NELL1: variants seen among roughly 807,000 people sequenced by gnomAD.
NELL1 encodes the protein neural EGFL like 1.
In NELL1, 76 loss-of-function variants were observed where a neutral mutation model predicts 107.4. That is an observed-to-expected ratio of 0.71 (90% CI 0.59 to 0.86). NELL1 has a LOEUF of 0.86. NELL1 is among the 40% of genes least tolerant of loss of function. The pLI, the probability that NELL1 is intolerant of heterozygous loss-of-function variation, is 0.00. For synonymous variants in NELL1, 353 were observed against 341.2 expected, an observed-to-expected ratio of 1.03 and a Z score of -0.38; for missense variants, 1,024 against 1,005.5, an observed-to-expected ratio of 1.02 and a Z score of -0.25.
chr11:21,507,595 T>C (rs146440502), intron 15 of NELL1, among the ~76,000 whole-genome samples: 1 of 152,164 alleles, frequency 6.6e-6, no homozygotes, highest in African/African-American at 2.4e-5. Flanking sequence ...AAATATTTTG[T>C]GAGCATAGAA....
intron 4 of NELL1, among the ~76,000 whole-genome samples, chr11:20,872,830 A>G (rs939726262): frequency 6.6e-6 from 1 of 152,096 alleles, no homozygotes; most frequent in Non-Finnish European, 1.5e-5. Context: ...GTCAATCATC[A>G]GGCCTTTAGA....
intron 2 of NELL1, among the ~76,000 whole-genome samples, chr11:20,699,617 C>T (rs1306529682): frequency 6.6e-6 from 1 of 152,318 alleles, no homozygotes; most frequent in Non-Finnish European, 1.5e-5. Flanking sequence ...CTTGGCCTCC[C>T]AAAGTGCTGG....
rs114032533 is a variant in NELL1, at chr11:20,743,308, G to A, written c.185-40372G>A. 9.6e-3 allele frequency among the ~76,000 whole-genome samples: 1,450 copies of A among 151,736 alleles called. 16 individuals are homozygous for A. The highest frequency in any genetic ancestry group is 0.025 in the African/African-American group (1,036 of 41,350). On this transcript the variant is annotated intron_variant, in intron 2 of 19. Coordinates refer to ENST00000357134, the MANE Select transcript of NELL1 (RefSeq NM_006157.5). The stretch of plus-strand genomic sequence containing the variant: ...GTGGTGGCTGCAGTGAGCCAAGATC[G>A]TGCCACTGTACTCTAGCCTGTGTGA...
At chr11:21,140,061 T>C (rs1340584007) in intron 13 of NELL1, among the ~76,000 whole-genome samples, 1 of 152,130 alleles carries the variant, frequency 6.6e-6, no homozygotes, top group Non-Finnish European at 1.5e-5. Flanking sequence ...GAAAGCTCCT[T>C]TTTCAGGAGC....
intron 10 of NELL1, among the ~76,000 whole-genome samples, chr11:20,940,268 T>C (rs200955331): frequency 1.4e-4 from 1 of 7,394 alleles, no homozygotes. Context: ...CTTGGGCTTC[T>C]TTTTTTTTTT....
At position 20,953,675 on chromosome 11, in the gene NELL1, AT is replaced by A. The variant is rs1358012720; in HGVS notation, c.1171+6244del. Among the ~76,000 whole-genome samples, 3 of 151,914 alleles carry A rather than the reference AT, an allele frequency of 2.0e-5. No homozygotes were observed. The South Asian group carries it at 6.2e-4, about 32-fold the overall frequency. ...GAGAAAGTGTGACCCCAACATTTAC[AT>A]TTTCTTTCATTAATTTCTTTGTACA... On this transcript the variant is annotated intron_variant, in intron 11 of 19. Coordinates refer to ENST00000357134, the MANE Select transcript of NELL1 (RefSeq NM_006157.5).
intron 15 of NELL1, among the ~76,000 whole-genome samples, chr11:21,516,100 G>A (rs972657349): frequency 4.6e-5 from 7 of 152,160 alleles, no homozygotes; most frequent in African/African-American, 1.4e-4. Context: ...TTTGCTTATA[G>A]AAGAACAGAG....
intron 2 of NELL1, among the ~76,000 whole-genome samples, chr11:20,765,834 CAACAT>C (rs1244748508): frequency 6.6e-6 from 1 of 152,126 alleles, no homozygotes; most frequent in South Asian, 2.1e-4. Context: ...AAAAAACACA[CAACAT>C]AAAATTGACC....
chr11:21,451,056 G>A (rs1853565990), intron 15 of NELL1, among the ~76,000 whole-genome samples: 1 of 151,644 alleles, frequency 6.6e-6, no homozygotes, highest in Non-Finnish European at 1.5e-5. Context: ...GTGTGATGGT[G>A]GGCGCCTGTA....
At chr11:20,844,396 T>A (rs1848669680) in intron 3 of NELL1, among the ~76,000 whole-genome samples, 1 of 152,218 alleles carries the variant, frequency 6.6e-6, no homozygotes, top group Non-Finnish European at 1.5e-5. Flanking sequence ...GAAGGCAGTT[T>A]GTTGGAACAA....
chr11:21,081,396 C>G (rs1244183036), intron 12 of NELL1, among the ~76,000 whole-genome samples: 1 of 151,966 alleles, frequency 6.6e-6, no homozygotes, highest in Admixed American at 6.6e-5. Context: ...TTTTTTCCCC[C>G]CTATAAACGA....
intron 12 of NELL1, among the ~76,000 whole-genome samples, chr11:20,975,981 T>G (rs1401609327): frequency 1.5e-5 from 2 of 133,824 alleles, no homozygotes; most frequent in Non-Finnish European, 3.0e-5. Flanking sequence ...ATATATTATA[T>G]CTGTACATAT....
intron 15 of NELL1, among the ~76,000 whole-genome samples, chr11:21,371,562 A>G (rs2133754143): frequency 6.6e-6 from 1 of 152,212 alleles, no homozygotes; most frequent in East Asian, 1.9e-4. Context: ...TATTGATTGG[A>G]GAAGCCCTCC....
intron 12 of NELL1, among the ~76,000 whole-genome samples, chr11:21,083,677 G>C (rs1206865161): frequency 2.0e-5 from 3 of 152,132 alleles, no homozygotes; most frequent in Admixed American, 1.3e-4. Context: ...TCTTAGTTTA[G>C]AGTATGTATA....
chr11:20,791,027 C>G (rs1857063902), intron 3 of NELL1, among the ~76,000 whole-genome samples: 1 of 152,140 alleles, frequency 6.6e-6, no homozygotes, highest in Admixed American at 6.5e-5. Flanking sequence ...CAAGTTTGTT[C>G]TTCTTTTCAA....
chr11:21,078,102 T>C (rs562555059), intron 12 of NELL1, among the ~76,000 whole-genome samples: 3 of 152,182 alleles, frequency 2.0e-5, no homozygotes, highest in East Asian at 3.9e-4. Flanking sequence ...CAAAATTCTA[T>C]AGAGGAGGAT....
chr11:20,787,519 A>G (rs544157037), intron 3 of NELL1, among the ~76,000 whole-genome samples: 1 of 152,288 alleles, frequency 6.6e-6, no homozygotes, highest in South Asian at 2.1e-4. Context: ...TTGACCACGT[A>G]TATAAGTTGA....
At chr11:21,557,243 T>C (rs1022479098) in intron 16 of NELL1, among the ~76,000 whole-genome samples, 20 of 152,024 alleles carry the variant, frequency 1.3e-4, no homozygotes, top group African/African-American at 4.8e-4. Context: ...GGCAATATGG[T>C]CCTATATTCA....
At chr11:21,067,646 T>C (rs1396374643) in intron 12 of NELL1, among the ~76,000 whole-genome samples, 1 of 152,158 alleles carries the variant, frequency 6.6e-6, no homozygotes, top group Non-Finnish European at 1.5e-5. Context: ...GCAAAATGCT[T>C]TGGAGAGCAT....
Sources: allele counts gnomAD v4.1 joint callset (sites outside exome capture counted in the v4.1 genomes callset), GRCh38; gene constraint gnomAD v4.1.1; transcripts MANE v1.5; gene names NCBI Gene and HGNC (gene_info 2026-07-23, HGNC 2026-07-21).